Variants in APBB2 observed in about 807,000 individuals in gnomAD.
The protein encoded by APBB2 is Fe65-like 1.
A neutral mutation model predicts 82.5 loss-of-function variants in APBB2; 38 were observed. That is an observed-to-expected ratio of 0.46 (90% CI 0.36 to 0.60). APBB2 has a LOEUF of 0.60. Among genes scored for constraint, APBB2 ranks in the 20% least tolerant of loss-of-function variants. APBB2 has a pLI of 0.00. For synonymous variants in APBB2, 341 were observed against 368.2 expected (o/e 0.93, Z 0.85); for missense variants, 772 against 972.3 (o/e 0.79, Z 2.74).
At chr4:41,042,796 G>A (rs1225482339) in intron 4 of APBB2, among the ~76,000 whole-genome samples, 1 of 152,190 alleles carries the variant, frequency 6.6e-6, no homozygotes, top group Non-Finnish European at 1.5e-5. Flanking sequence ...GCTCAGCAGA[G>A]ACTATGAGAA....
chr4:41,073,537 A>C (rs907806064), intron 3 of APBB2, among the ~76,000 whole-genome samples: 1 of 152,206 alleles, frequency 6.6e-6, no homozygotes, highest in African/African-American at 2.4e-5. Context: ...GCAAAGAAGC[A>C]ATTTTTCACC....
At chr4:41,080,189 G>A (rs907392840) in intron 3 of APBB2, among the ~76,000 whole-genome samples, 1 of 152,160 alleles carries the variant, frequency 6.6e-6, no homozygotes, top group African/African-American at 2.4e-5. Context: ...CATCAATATT[G>A]CTGAAAAGCT....
chr4:41,112,493 C>T (rs1331134831), intron 2 of APBB2, among the ~76,000 whole-genome samples: 1 of 152,354 alleles, frequency 6.6e-6, no homozygotes, highest in East Asian at 1.9e-4. Context: ...ACTCCTTTCC[C>T]GCTTCCAGGT....
intron 13 of APBB2, among the ~76,000 whole-genome samples, chr4:40,828,921 G>A (rs1038893664): frequency 6.6e-6 from 1 of 152,184 alleles, no homozygotes; most frequent in Non-Finnish European, 1.5e-5. Flanking sequence ...CCTCCTGCTC[G>A]GTTAACAGGC....
At chr4:40,934,317 AT>A in intron 10 of APBB2, 138 bp downstream of exon 10, 1 of 809,252 alleles carries the variant, frequency 1.2e-6, no homozygotes, top group South Asian at 1.7e-5. Flanking sequence ...TGTCAGGGAG[AT>A]TAGGAAAGAG....
intron 3 of APBB2, among the ~76,000 whole-genome samples, chr4:41,087,699 G>T (rs1163319846): frequency 2.0e-5 from 3 of 152,070 alleles, no homozygotes; most frequent in African/African-American, 7.2e-5. Flanking sequence ...ATAGTGCTGG[G>T]ATTACAGGTG....
chr4:40,830,199 A>AACACACACACAC (rs748831202), intron 13 of APBB2, among the ~76,000 whole-genome samples: 1 of 149,808 alleles, frequency 6.7e-6, no homozygotes, highest in African/African-American at 2.5e-5. Context: ...GACTTGGCTG[A>AACACACACACAC]ACACACACAC....
At chr4:40,939,481 A>G (rs1786283786) in intron 7 of APBB2, among the ~76,000 whole-genome samples, 1 of 152,226 alleles carries the variant, frequency 6.6e-6, no homozygotes, top group Admixed American at 6.5e-5. Context: ...TCTCAATGCC[A>G]TTTTGTCAAG....
Position 40,941,698 on chromosome 4 carries a change from T to G in APBB2, c.1044+3167A>C, listed in dbSNP as rs551577891. Among the ~76,000 whole-genome samples the G allele has an allele frequency of 5.7e-3, 868 of 152,360 alleles. 4 individuals are homozygous for G. The highest frequency in any genetic ancestry group is 9.2e-3 in the Non-Finnish European group (626 of 68,028). ...AGGCTGGAGTGCTATGGTGTGATCA[T>G]AGCTCACCTGCAGCCTCAAATTTCT... On this transcript the variant is annotated intron_variant, in intron 7 of 17. Transcript: ENST00000508593.
At chr4:41,101,751 A>G (rs1290795130) in intron 2 of APBB2, among the ~76,000 whole-genome samples, 3 of 151,990 alleles carry the variant, frequency 2.0e-5, no homozygotes, top group African/African-American at 7.2e-5. Flanking sequence ...CGACGTCAGG[A>G]GTTCAAGACT....
intron 2 of APBB2, chr4:41,118,051 A>C (rs1463374566): frequency 2.0e-5 from 3 of 146,452 alleles, no homozygotes; most frequent in African/African-American, 7.5e-5. Flanking sequence ...TACAAAACAA[A>C]ACAAAAAAAA....
chr4:41,103,242 T>A (rs1746055644), intron 2 of APBB2, among the ~76,000 whole-genome samples: 1 of 152,198 alleles, frequency 6.6e-6, no homozygotes, highest in Non-Finnish European at 1.5e-5. Context: ...CTAAAGTTGT[T>A]AAAGGAGGTA....
At position 40,910,878 on chromosome 4, in the gene APBB2, T is replaced by C. The variant is rs143391844; in HGVS notation, c.1255-17467A>G. ...ATAATCTTGCCTTTGCAGGCACTGC[T>C]GTGGATTCAAGGGGCTGTGAACCCT... On this transcript the variant is annotated intron_variant, in intron 10 of 17. Transcript: ENST00000508593. Among the ~76,000 whole-genome samples the C allele has an allele frequency of 2.0e-5, 3 of 152,398 alleles. No homozygotes were observed. The East Asian group carries it at 5.8e-4, about 29-fold the overall frequency.
intron 13 of APBB2, among the ~76,000 whole-genome samples, chr4:40,828,173 CGACT>C (rs1366814835): frequency 2.6e-5 from 4 of 152,102 alleles, no homozygotes; most frequent in African/African-American, 9.7e-5. Flanking sequence ...GCGTGAAAGC[CGACT>C]AATACACCTG....
intron 4 of APBB2, among the ~76,000 whole-genome samples, chr4:41,037,044 A>T (rs950922221): frequency 6.6e-6 from 1 of 152,230 alleles, no homozygotes; most frequent in Admixed American, 6.5e-5. Context: ...TTGAATACTT[A>T]AAAGGTAGCG....
At position 40,989,541 on chromosome 4, in the gene APBB2, T is replaced by C. The variant is rs201713167; in HGVS notation, c.835+24042A>G. On this transcript the variant is annotated intron_variant, in intron 6 of 17. Transcript: ENST00000508593. ...AGAAGGAGAAACTACATTTTTTTTTTCCCAAATCCATCCCAGATGTGGCCA... is the reference window on the plus strand; with the variant it reads ...AGAAGGAGAAACTACATTTTTTTTTCCCCAAATCCATCCCAGATGTGGCCA... Among the ~76,000 whole-genome samples, 422 of 149,156 alleles carry C rather than the reference T, an allele frequency of 2.8e-3. 3 individuals are homozygous for C. Among genetic ancestry groups the C allele is most frequent in the African/African-American group, 9.6e-3 (393 of 40,730 alleles).
chr4:41,065,093 C>A (rs2153890087), intron 4 of APBB2, among the ~76,000 whole-genome samples: 1 of 152,086 alleles, frequency 6.6e-6, no homozygotes, highest in Middle Eastern at 3.4e-3. Context: ...TCAAGACCAG[C>A]CTGGGCAACA....
chr4:41,106,765 C>A (rs13104886), intron 2 of APBB2, among the ~76,000 whole-genome samples: 1 of 151,894 alleles, frequency 6.6e-6, no homozygotes, highest in African/African-American at 2.4e-5. Context: ...AGTGAGCCAC[C>A]GTGCCTGGCC....
At chr4:41,045,712 T>C (rs919077176) in intron 4 of APBB2, among the ~76,000 whole-genome samples, 2 of 152,250 alleles carry the variant, frequency 1.3e-5, no homozygotes, top group African/African-American at 4.8e-5. Context: ...TTCTGTACTT[T>C]TATAAAATGT....
Sources: allele counts gnomAD v4.1 joint callset (sites outside exome capture counted in the v4.1 genomes callset), GRCh38; gene constraint gnomAD v4.1.1; transcripts MANE v1.5; gene names NCBI Gene and HGNC (gene_info 2026-07-23, HGNC 2026-07-21).